THSD7B: variants seen among roughly 807,000 people sequenced by gnomAD.
The protein encoded by THSD7B is thrombospondin type 1 domain containing 7B, also known as thrombospondin type-1 domain-containing protein 7B.
Under a neutral mutation model 213.6 loss-of-function variants are expected in THSD7B, and 138 were observed. The ratio of observed to expected loss-of-function variants is 0.65; its 90% confidence interval spans 0.56 to 0.74. THSD7B has a LOEUF of 0.74. THSD7B is among the 30% of genes least tolerant of loss of function. The pLI is 0.00. For missense variants in THSD7B, 1,931 were observed against 1,991.5 expected (o/e 0.97, Z 0.58); for synonymous variants, 742 against 687.0 (o/e 1.08, Z -1.25).
At chr2:136,912,159 T>A (rs1266894825) in intron 2 of THSD7B, among the ~76,000 whole-genome samples, 4 of 151,496 alleles carry the variant, frequency 2.6e-5, no homozygotes, top group Admixed American at 6.6e-5. Context: ...CCATCTCTAC[T>A]AAAAATACAA....
chr2:137,618,613 C>T (rs560656294), intron 19 of THSD7B, 106 bp downstream of exon 19: 2 of 1,022,696 alleles, frequency 2.0e-6, no homozygotes, highest in East Asian at 5.4e-5. Context: ...TTCTTCTCAT[C>T]TCAGCTTAGG....
chr2:137,195,492 G>T (rs1428211856), intron 7 of THSD7B, among the ~76,000 whole-genome samples: 2 of 152,018 alleles, frequency 1.3e-5, no homozygotes, highest in Non-Finnish European at 2.9e-5. Context: ...GTGCCAAAAA[G>T]TAAGAAAATA....
At chr2:137,665,002 C>T (rs933801780) in intron 26 of THSD7B, among the ~76,000 whole-genome samples, 2 of 152,116 alleles carry the variant, frequency 1.3e-5, no homozygotes, top group Non-Finnish European at 2.9e-5. Flanking sequence ...AAAGCCCAGG[C>T]CCAAAGAAAC....
intron 17 of THSD7B, among the ~76,000 whole-genome samples, chr2:137,612,705 G>T (rs1682310984): frequency 1.3e-5 from 2 of 151,856 alleles, no homozygotes; most frequent in African/African-American, 4.8e-5. Context: ...TTCTCTCTTG[G>T]CACCTCTTAA....
chr2:137,656,719 G>T, intron 22 of THSD7B, 77 bp from the exon 23 acceptor site: 1 of 1,416,536 alleles, frequency 7.1e-7, no homozygotes. Context: ...ATCTCTGTGT[G>T]AGCCCTGCCC....
At chr2:137,394,314 A>T (rs1322418080) in intron 12 of THSD7B, among the ~76,000 whole-genome samples, 1 of 125,884 alleles carries the variant, frequency 7.9e-6, no homozygotes, top group Non-Finnish European at 1.7e-5. Flanking sequence ...TTAAGGCTTT[A>T]ATCCATCTTG....
intron 2 of THSD7B, among the ~76,000 whole-genome samples, chr2:136,896,123 A>G (rs1683955987): frequency 6.6e-6 from 1 of 152,198 alleles, no homozygotes; most frequent in Non-Finnish European, 1.5e-5. Context: ...GTTGTCTTGT[A>G]TGGAATATAC....
intron 2 of THSD7B, among the ~76,000 whole-genome samples, chr2:137,020,763 A>G (rs1372037719): frequency 1.3e-5 from 2 of 152,094 alleles, no homozygotes; most frequent in African/African-American, 4.8e-5. Context: ...AAAGAGAAAG[A>G]CCTTTTGAGC....
At chr2:137,515,330 G>A (rs1409792660) in intron 15 of THSD7B, among the ~76,000 whole-genome samples, 12 of 152,182 alleles carry the variant, frequency 7.9e-5, no homozygotes, top group Non-Finnish European at 1.8e-4. Context: ...TGTCTGAAGT[G>A]ATAAACCTTG....
intron 7 of THSD7B, among the ~76,000 whole-genome samples, chr2:137,180,365 C>T (rs556364542): frequency 1.3e-5 from 2 of 152,210 alleles, no homozygotes; most frequent in South Asian, 2.1e-4. Flanking sequence ...GACTGCTCAT[C>T]GTTTGTGTTA....
chr2:137,066,827 C>T (rs1025017608), intron 3 of THSD7B, among the ~76,000 whole-genome samples: 2 of 152,044 alleles, frequency 1.3e-5, no homozygotes, highest in East Asian at 1.9e-4. Flanking sequence ...ATTTCTATTA[C>T]GTGTAGTTAC....
At chr2:137,520,566 C>T (rs1558825536) in intron 15 of THSD7B, among the ~76,000 whole-genome samples, 1 of 152,146 alleles carries the variant, frequency 6.6e-6, no homozygotes, top group Non-Finnish European at 1.5e-5. Flanking sequence ...GAGAAAGATG[C>T]CCATAAATGC....
intron 12 of THSD7B, among the ~76,000 whole-genome samples, chr2:137,351,893 C>A (rs1685020926): frequency 6.6e-6 from 1 of 151,894 alleles, no homozygotes; most frequent in African/African-American, 2.4e-5. Context: ...ACGTGCAGCC[C>A]AAGACAGCTT....
intron 20 of THSD7B, among the ~76,000 whole-genome samples, chr2:137,625,331 G>T (rs1257420653): frequency 9.2e-6 from 1 of 108,158 alleles, no homozygotes; most frequent in East Asian, 3.5e-4. Context: ...GTCATGGGGT[G>T]GGGGGAGGGG....
intron 2 of THSD7B, among the ~76,000 whole-genome samples, chr2:136,938,464 C>A (rs1039398178): frequency 6.6e-6 from 1 of 152,032 alleles, no homozygotes; most frequent in Non-Finnish European, 1.5e-5. Flanking sequence ...TGAGTCATTT[C>A]TGTTTCCCAT....
chr2:136,837,252 A>G (rs1682857734), intron 1 of THSD7B, among the ~76,000 whole-genome samples: 2 of 152,206 alleles, frequency 1.3e-5, no homozygotes, highest in Non-Finnish European at 2.9e-5. Flanking sequence ...GGCCTGTAAG[A>G]TCTGCCAGGG....
At chr2:136,873,608 A>T (rs1285810782) in intron 1 of THSD7B, among the ~76,000 whole-genome samples, 1 of 152,254 alleles carries the variant, frequency 6.6e-6, no homozygotes, top group Non-Finnish European at 1.5e-5. Flanking sequence ...TTGAAAAATC[A>T]TCTTCCACTA....
chr2:137,048,302 A>T (rs1687005070), intron 2 of THSD7B, among the ~76,000 whole-genome samples: 2 of 152,188 alleles, frequency 1.3e-5, no homozygotes, highest in South Asian at 4.1e-4. Flanking sequence ...ATTATTTTAC[A>T]GACCAGAGTC....
intron 20 of THSD7B, among the ~76,000 whole-genome samples, chr2:137,624,709 C>A (rs925010568): frequency 6.6e-6 from 1 of 152,152 alleles, no homozygotes; most frequent in Non-Finnish European, 1.5e-5. Context: ...ATGCAGCCAA[C>A]AGACACATGA....
Sources: gnomAD v4.1 joint callset for allele counts (sites outside exome capture counted in the v4.1 genomes callset) on GRCh38, gnomAD v4.1.1 for gene constraint, MANE v1.5 for transcripts, NCBI Gene and HGNC (gene_info 2026-07-23, HGNC 2026-07-21) for gene names.